Variants in BPI observed in about 807,000 individuals in gnomAD.
BPI encodes bactericidal permeability-increasing protein.
In BPI, 48 loss-of-function variants were observed where a neutral mutation model predicts 57.6. The ratio of observed to expected loss-of-function variants is 0.83; its 90% confidence interval spans 0.66 to 1.06. BPI has a LOEUF of 1.06. BPI is among the 50% of genes least tolerant of loss of function. BPI has a pLI of 0.00. For synonymous variants in BPI, 237 were observed against 238.2 expected (o/e 0.99, Z 0.05); for missense variants, 651 against 609.7 (o/e 1.07, Z -0.71).
chr20:38,330,915 C>T (rs2076738992), intron 11 of BPI, 133 bp from the exon 12 acceptor site: 9 of 987,332 alleles, frequency 9.1e-6, no homozygotes, highest in Admixed American at 4.2e-5. Context: ...GGCTGTGACC[C>T]GTGGAAGGGG....
rs1205089547 is a variant in BPI, at chr20:38,326,281, C to T, written c.1010C>T (p.Pro337Leu). 1 of 1,612,500 alleles carries T rather than the reference C, an allele frequency of 6.2e-7. No homozygotes were observed. The highest frequency in any genetic ancestry group is 2.2e-5 in the East Asian group (1 of 44,840). The change falls in exon 10 of 15, where the codon CCC (proline) becomes CTC (leucine). Residue 337 changes from proline (P) to leucine (L), a missense_variant. Pro to Leu is a moderately conservative substitution (Grantham distance 98). Transcript: ENST00000642449. ...GGGCTGCAGGTGGCCAAGAAGTTTC[C>T]CAACATGAAGATACAGATCCATGTC... ...TFLPEVAKKF[P>L]NMKIQIHVSA...
intron 11 of BPI, among the ~76,000 whole-genome samples, chr20:38,327,978 T>C (rs1049771635): frequency 1.3e-5 from 2 of 152,184 alleles, no homozygotes; most frequent in African/African-American, 4.8e-5. Flanking sequence ...AGGCGTCAGC[T>C]GATGATCCCC....
chr20:38,321,417 A>C lies in BPI; in HGVS notation c.756+1143A>C, dbSNP rs1483411480. Among the ~76,000 whole-genome samples, 3 of 152,010 alleles carry C rather than the reference A, an allele frequency of 2.0e-5. No homozygotes were observed. The East Asian group carries it at 5.8e-4, about 29-fold the overall frequency. On this transcript the variant is annotated intron_variant, in intron 7 of 14. Coordinates refer to ENST00000642449, the MANE Select transcript of BPI (RefSeq NM_001725.3). ...GTTAAGCTTCCTCTCACCTCAGGGC[A>C]TTTGTCCTAGCTGTTCCCCCTGCCT...
chr20:38,323,099 A>G (rs2076694879), intron 7 of BPI, among the ~76,000 whole-genome samples: 1 of 152,198 alleles, frequency 6.6e-6, no homozygotes, highest in African/African-American at 2.4e-5. Context: ...AAAACTGTAG[A>G]AATAACTAAC....
At chr20:38,334,542 G>T (rs2076757845) in intron 13 of BPI, 49 bp downstream of exon 13, 1 of 1,581,650 alleles carries the variant, frequency 6.3e-7, no homozygotes, top group East Asian at 2.2e-5. Flanking sequence ...GGGGAAGAGG[G>T]TGGGGTTGAT....
intron 5 of BPI, among the ~76,000 whole-genome samples, chr20:38,315,405 G>T (rs1258496925): frequency 1.3e-5 from 2 of 152,234 alleles, no homozygotes; most frequent in East Asian, 3.8e-4. Context: ...TGTAGGGCTG[G>T]TGTCTGAGGG....
chr20:38,307,890 C>T (rs2076604557), intron 2 of BPI, among the ~76,000 whole-genome samples: 2 of 152,194 alleles, frequency 1.3e-5, no homozygotes, highest in African/African-American at 4.8e-5. Flanking sequence ...GTGTCATGAA[C>T]CCCCAAACTC....
Position 38,326,467 on chromosome 20 carries a change from C to T in BPI, c.1161+35C>T, listed in dbSNP as rs1326428460. On this transcript the variant is annotated intron_variant, in intron 10 of 14. Coordinates refer to ENST00000642449, the MANE Select transcript of BPI (RefSeq NM_001725.3). ...TCCTGGGTTGGACAGATGAGGAGCC[C>T]CAGACAGTCCCAACAGCACTGTCTT... 2.5e-6 allele frequency: 4 copies of T among 1,582,162 alleles called. No homozygotes were observed. In the African/African-American group the frequency reaches 5.4e-5, roughly 21 times the overall value.
chr20:38,312,028 C>T, intron 5 of BPI, 91 bp downstream of exon 5: 1 of 1,303,488 alleles, frequency 7.7e-7, no homozygotes, highest in Non-Finnish European at 1.1e-6. Context: ...TCTGCTGTCA[C>T]TCCAGACCCC....
rs2076772237 is a variant in BPI at position 38,337,260 on chromosome 20, G to A, written c.*76G>A. On this transcript the variant is annotated 3_prime_UTR_variant, in exon 15 of 15. Transcript: ENST00000642449. ...GTGGGGCACCGGCTGCCTTTCCCCAGGGAATCCTCTCCAGATCTTAACCAA... is the reference window on the plus strand; with the variant it reads ...GTGGGGCACCGGCTGCCTTTCCCCAAGGAATCCTCTCCAGATCTTAACCAA... 2 of 1,311,244 alleles carry A rather than the reference G, an allele frequency of 1.5e-6. No homozygotes were observed. The highest frequency in any genetic ancestry group is 1.1e-6 in the Non-Finnish European group (1 of 946,208). 81.2% of individuals were successfully genotyped at this position (1,311,244 alleles called of 1,614,324 possible).
chr20:38,314,213 G>C (rs1568811127), intron 5 of BPI, among the ~76,000 whole-genome samples: 1 of 149,124 alleles, frequency 6.7e-6, no homozygotes, highest in African/African-American at 2.5e-5. Context: ...TGGGGATGAT[G>C]ATGGTGGTGA....
chr20:38,332,302 A>G (rs955294120), intron 12 of BPI, among the ~76,000 whole-genome samples: 1 of 151,692 alleles, frequency 6.6e-6, no homozygotes, highest in Non-Finnish European at 1.5e-5. Context: ...GGGTGGGGGG[A>G]TAGATTACAG....
intron 14 of BPI, among the ~76,000 whole-genome samples, chr20:38,336,053 T>C (rs567832832): frequency 4.6e-5 from 7 of 152,198 alleles, no homozygotes; most frequent in African/African-American, 2.4e-5. Context: ...GGGTATAACA[T>C]GTGGTCGACG....
chr20:38,315,925 C>T (rs1331917719), intron 5 of BPI, among the ~76,000 whole-genome samples: 2 of 151,698 alleles, frequency 1.3e-5, no homozygotes, highest in African/African-American at 2.4e-5. Flanking sequence ...CTCCGCCTCC[C>T]GGGTTCAAGA....
intron 2 of BPI, among the ~76,000 whole-genome samples, chr20:38,307,922 T>A (rs1240504380): frequency 2.0e-5 from 3 of 152,208 alleles, no homozygotes; most frequent in Non-Finnish European, 4.4e-5. Flanking sequence ...TCAATTAGAA[T>A]GTGCAAGTTT....
chr20:38,318,527 G>T lies in BPI; in HGVS notation c.664+51G>T, dbSNP rs190114191. ...TAGAAAGGAACAGAAATGGGAGGGG[G>T]TGAGGACGTCAGGGTGGATGTGATG... On this transcript the variant is annotated intron_variant, in intron 6 of 14. Transcript: ENST00000642449. 1,135 of 1,584,380 alleles carry T rather than the reference G, an allele frequency of 7.2e-4. 1 individual carries two copies. The highest frequency in any genetic ancestry group is 9.2e-4 in the Admixed American group (55 of 59,982).
At chr20:38,321,171 G>A (rs913806001) in intron 7 of BPI, among the ~76,000 whole-genome samples, 1 of 132,852 alleles carries the variant, frequency 7.5e-6, no homozygotes, top group Admixed American at 7.5e-5. Context: ...ATGGATGGAT[G>A]GATGGATGGA....
In BPI at chr20:38,318,446, G is replaced by A. The variant is rs4358188; in HGVS notation, c.634G>A (p.Glu212Lys). 767,228 of 1,612,388 alleles carry A rather than the reference G, an allele frequency of 0.48. 185,568 individuals are homozygous for A. The highest frequency in any genetic ancestry group is 0.5 in the African/African-American group (37,786 of 74,888). ...CEKVTNSVSS[E>K]LQPYFQTLPV... ...GAAAGTGACCAATTCTGTATCCTCC[G>A]AGCTGCAACCTTATTTCCAGACTCT... Residue 212 changes from glutamate (E) to lysine (K), a missense_variant, in exon 6 of 15, where the codon GAG (glutamate) becomes AAG (lysine). Transcript: ENST00000642449.
Position 38,326,302 on chromosome 20 carries a change from A to G in BPI, c.1031A>G (p.His344Arg), listed in dbSNP as rs767786288. 1.6e-5 allele frequency: 26 copies of G among 1,613,752 alleles called. No homozygotes were observed. In the Admixed American group the frequency reaches 3.8e-4, roughly 24 times the overall value. Residue 344 changes from histidine to arginine, a missense_variant, in exon 10 of 15, where the codon CAT becomes CGT. By Grantham distance (29) the His-to-Arg change is conservative (BLOSUM62 0). Transcript: ENST00000642449. ...KKFPNMKIQI[H>R]VSASTPPHLS... is the part of the protein sequence containing the mutation. ...TTTCCCAACATGAAGATACAGATCCATGTCTCAGCCTCCACCCCGCCACAC... is the reference window on the plus strand; with the variant it reads ...TTTCCCAACATGAAGATACAGATCCGTGTCTCAGCCTCCACCCCGCCACAC...
Sources: allele counts gnomAD v4.1 joint callset (sites outside exome capture counted in the v4.1 genomes callset), GRCh38; gene constraint gnomAD v4.1.1; transcripts MANE v1.5; gene names NCBI Gene and HGNC (gene_info 2026-07-23, HGNC 2026-07-21).